Variants in SRGAP2 observed in about 807,000 individuals in gnomAD.
The protein encoded by SRGAP2 is SLIT-ROBO Rho GTPase-activating protein 2.
SRGAP2 carries 15 observed loss-of-function variants against 57.2 expected under a neutral mutation model. The observed-to-expected ratio is 0.26, with a 90% CI of 0.18 to 0.40. SRGAP2 has a LOEUF of 0.40. Among genes scored for constraint, SRGAP2 ranks in the 10% least tolerant of loss-of-function variants. The pLI is 1.00. For missense variants in SRGAP2, 520 were observed against 669.6 expected, an observed-to-expected ratio of 0.78 and a Z score of 2.47; for synonymous variants, 249 against 248.0, an observed-to-expected ratio of 1.00 and a Z score of -0.04.
In SRGAP2 at chr1:206,426,683, A is replaced by C. The variant is rs542897033; in HGVS notation, c.1495-3479A>C. On this transcript the variant is annotated intron_variant, in intron 13 of 22. Transcript: ENST00000573034. The stretch of plus-strand genomic sequence containing the variant: ...GATAATTGCCATTTTAATTGTGGTG[A>C]GATTATTTAAAAATTTGCATTTCTT... 8.5e-5 allele frequency among the ~76,000 whole-genome samples: 13 copies of C among 152,250 alleles called. No individual in the cohort carries two copies. The East Asian group carries it at 2.1e-3, about 25-fold the overall frequency.
chr1:206,220,511 C>T (rs1553304417), intron 2 of SRGAP2, among the ~76,000 whole-genome samples: 1 of 152,100 alleles, frequency 6.6e-6, no homozygotes, highest in Admixed American at 6.5e-5. Context: ...ATACATTCTG[C>T]CCTCGGACAG....
chr1:206,367,967 A>C (rs1654187682), intron 4 of SRGAP2, among the ~76,000 whole-genome samples: 1 of 152,086 alleles, frequency 6.6e-6, no homozygotes, highest in Non-Finnish European at 1.5e-5. Context: ...AGGAGAAATG[A>C]ACAGCGTATG....
chr1:206,253,556 T>C (rs1227434933), intron 2 of SRGAP2, among the ~76,000 whole-genome samples: 2 of 149,602 alleles, frequency 1.3e-5, no homozygotes, highest in African/African-American at 4.9e-5. Context: ...CTCTCTTTCT[T>C]TCTCTTTTCT....
intron 21 of SRGAP2, among the ~76,000 whole-genome samples, chr1:206,456,408 A>G (rs1205108389): frequency 1.3e-5 from 2 of 152,116 alleles, no homozygotes; most frequent in African/African-American, 4.8e-5. Flanking sequence ...GGCTAATCAC[A>G]TTTTTTTCCT....
chr1:206,438,320 GC>G (rs1553370779), intron 16 of SRGAP2, among the ~76,000 whole-genome samples: 1 of 151,332 alleles, frequency 6.6e-6, no homozygotes. Flanking sequence ...AGTACTCCTG[GC>G]CTTTTTTTTT....
At chr1:206,425,155 A>G (rs888557634) in intron 13 of SRGAP2, among the ~76,000 whole-genome samples, 3 of 152,210 alleles carry the variant, frequency 2.0e-5, no homozygotes, top group Non-Finnish European at 2.9e-5. Flanking sequence ...TCTCTAGGTC[A>G]TAATATATAA....
intron 15 of SRGAP2, chr1:206,437,623 T>G: frequency 4.7e-6 from 1 of 214,192 alleles, no homozygotes; most frequent in Non-Finnish European, 9.3e-6. Context: ...GCCTCATTTT[T>G]CTCCCCGCAG....
At chr1:206,342,059 A>G (rs1437429167) in intron 3 of SRGAP2, among the ~76,000 whole-genome samples, 2 of 152,114 alleles carry the variant, frequency 1.3e-5, no homozygotes, top group Non-Finnish European at 2.9e-5. Flanking sequence ...AGCTGTAGAC[A>G]TTTTAGGAAC....
chr1:206,366,173 T>C (rs1441554352), intron 4 of SRGAP2, among the ~76,000 whole-genome samples: 1 of 152,264 alleles, frequency 6.6e-6, no homozygotes, highest in Non-Finnish European at 1.5e-5. Context: ...TAGTCCACTC[T>C]TTATGCCTAG....
At chr1:206,292,654 ATCTC>A (rs1283812492) in intron 2 of SRGAP2, among the ~76,000 whole-genome samples, 2 of 147,190 alleles carry the variant, frequency 1.4e-5, no homozygotes, top group Non-Finnish European at 3.0e-5. Flanking sequence ...CTACTTTCCT[ATCTC>A]TCCTTGCTTT....
At chr1:206,260,805 C>G (rs61815473) in intron 2 of SRGAP2, among the ~76,000 whole-genome samples, 63,332 of 152,068 alleles carry the variant, frequency 0.42, 13,570 homozygotes, top group East Asian at 0.72. Context: ...ACAAAGGCAG[C>G]TTTTTAAAGG....
chr1:206,458,640 A>C lies in SRGAP2; in HGVS notation c.2525A>C (p.Glu842Ala). ...GATTGAAGGCAAAGGAAGCGTCCAG[A>C]ATCTGGGAGCATCCGGAAAACTTTT... ...ANINKQRKRP[E>A]SGSIRKTFRS... Residue 842 changes from glutamate (E) to alanine (A), a missense_variant, in exon 22 of 23, where the codon GAA (glutamate) becomes GCA (alanine). By Grantham distance (107) the Glu-to-Ala change is moderately radical. Around this residue, in one of 5 missense-constraint regions of SRGAP2, gnomAD observed 478 missense variants for 373.6 expected, o/e 1.28. Transcript: ENST00000573034. The C allele has an allele frequency of 1.3e-6, 1 of 763,456 alleles. No individual in the cohort carries two copies. The highest frequency in any genetic ancestry group is 2.5e-5 in the East Asian group (1 of 40,808). 47.3% of individuals were successfully genotyped at this position (763,456 alleles called of 1,614,324 possible). A position where few individuals can be genotyped will look rare whatever the true frequency, so the allele number is the denominator to read the frequency against.
At chr1:206,336,074 T>G (rs1674754135) in intron 3 of SRGAP2, among the ~76,000 whole-genome samples, 1 of 146,976 alleles carries the variant, frequency 6.8e-6, no homozygotes, top group African/African-American at 2.5e-5. Flanking sequence ...GTCCGGCTCT[T>G]GGGCATGCTG....
chr1:206,291,810 C>T (rs1270474540), intron 2 of SRGAP2, among the ~76,000 whole-genome samples: 1 of 148,824 alleles, frequency 6.7e-6, no homozygotes, highest in Non-Finnish European at 1.5e-5. Context: ...TTATAACCAA[C>T]CAGTCACTTC....
At position 206,273,299 on chromosome 1, in the gene SRGAP2, G is replaced by A. The variant is rs1192913652; in HGVS notation, c.68-29982G>A. Reference sequence around the variant, plus strand: ...CATCTCCCAACAAGAGTGGTTGCTGGGAGGAATGAGCAGAAGGAGTGGTGT... The same window carrying A: ...CATCTCCCAACAAGAGTGGTTGCTGAGAGGAATGAGCAGAAGGAGTGGTGT... On this transcript the variant is annotated intron_variant, in intron 2 of 22. Coordinates refer to ENST00000573034, the MANE Select transcript of SRGAP2 (RefSeq NM_015326.5). Among the ~76,000 whole-genome samples, 3 of 148,258 alleles carry A rather than the reference G, an allele frequency of 2.0e-5. No homozygotes were observed. In the East Asian group the frequency reaches 5.8e-4, roughly 29 times the overall value.
At chr1:206,411,497 T>C (rs1196322721) in intron 10 of SRGAP2, among the ~76,000 whole-genome samples, 4 of 152,242 alleles carry the variant, frequency 2.6e-5, no homozygotes, top group Non-Finnish European at 4.4e-5. Flanking sequence ...CTCTATTATG[T>C]ATTCTATCTG....
At chr1:206,228,866 C>T (rs528136132) in intron 2 of SRGAP2, among the ~76,000 whole-genome samples, 154 of 150,580 alleles carry the variant, frequency 1.0e-3, no homozygotes, top group Admixed American at 2.8e-3. Flanking sequence ...TCTCAACCAG[C>T]CAAAGGAGCC....
At position 206,437,052 on chromosome 1, in the gene SRGAP2, C is replaced by T. The variant is rs1553370289; in HGVS notation, c.1633+10C>T. The T allele has an allele frequency of 1.3e-6, 1 of 780,588 alleles. No homozygotes were observed. The highest frequency in any genetic ancestry group is 2.4e-6 in the Non-Finnish European group (1 of 417,792). 48.4% of individuals were successfully genotyped at this position (780,588 alleles called of 1,614,324 possible). A position where few individuals can be genotyped will look rare whatever the true frequency, so the allele number is the denominator to read the frequency against. ...AATGCCTTTGAGAGAGGTAAGGAAA[C>T]AGTCTTGAAGATAAAACCAAATATT... On this transcript the variant is annotated intron_variant, in intron 15 of 22. Coordinates refer to ENST00000573034, the MANE Select transcript of SRGAP2 (RefSeq NM_015326.5).
At chr1:206,358,254 T>C (rs1212300759) in intron 4 of SRGAP2, among the ~76,000 whole-genome samples, 1 of 149,562 alleles carries the variant, frequency 6.7e-6, no homozygotes, top group East Asian at 2.0e-4. Flanking sequence ...CAGAATGCTA[T>C]AGGCATCAGT....
Sources: gnomAD v4.1 joint callset for allele counts (sites outside exome capture counted in the v4.1 genomes callset) on GRCh38, gnomAD v4.1.1 for gene constraint, gnomAD v4.1.1 regional missense constraint, MANE v1.5 for transcripts, NCBI Gene and HGNC (gene_info 2026-07-23, HGNC 2026-07-21) for gene names.